The following MOCOS variants were observed in gnomAD, a reference collection of about 807,000 sequenced individuals.
MOCOS encodes the protein molybdenum cofactor sulfurase, also known as human molybdenum cofactor sulfurase.
MOCOS carries 86 observed loss-of-function variants against 83.6 expected under a neutral mutation model. The observed-to-expected ratio is 1.03, with a 90% CI of 0.86 to 1.23. MOCOS has a LOEUF of 1.23. Among genes scored for constraint, MOCOS ranks in the 50% most tolerant of loss-of-function variants. The pLI, the probability that MOCOS is intolerant of heterozygous loss-of-function variation, is 0.00. For synonymous variants in MOCOS, 445 were observed against 434.7 expected (o/e 1.02, Z -0.29); for missense variants, 1,120 against 1,126.9 (o/e 0.99, Z 0.09).
intron 13 of MOCOS, among the ~76,000 whole-genome samples, chr18:36,263,919 A>G (rs961156692): frequency 6.6e-6 from 1 of 152,052 alleles, no homozygotes; most frequent in East Asian, 1.9e-4. Flanking sequence ...GCTCATGCCT[A>G]TAATCCCAGC....
rs148109794 is a variant in MOCOS at position 36,254,883 on chromosome 18, CTTATTTT to C, written c.2165-2069_2165-2063del. The stretch of plus-strand genomic sequence containing the variant: ...TAGGAAATTTCTTCTGCATTGAGTT[CTTATTTT>C]TTATTTTTTATTTTTAATAGAGATG... On this transcript the variant is annotated intron_variant, in intron 11 of 14. Transcript: ENST00000261326. 9.0e-3 allele frequency among the ~76,000 whole-genome samples: 1,363 copies of C among 151,930 alleles called. 15 individuals carry two copies. Among genetic ancestry groups the C allele is most frequent in the African/African-American group, 0.031 (1,290 of 41,434 alleles).
rs751808609 is a variant in MOCOS, at chr18:36,205,078, T to A, written c.1020T>A (p.Gly340=). The change falls in exon 6 of 15, where the codon GGT becomes GGA. Residue 340 remains glycine, a splice_region_variant and synonymous_variant. Coordinates refer to ENST00000261326, the MANE Select transcript of MOCOS (RefSeq NM_017947.4). ...HGFDTLERLT[G]GMENIKQHTF... ...CTTGTGTTTCATGATTGATTTGAGG[T>A]GGAATGGAGAATATAAAGCAGCACA... 2 of 1,605,416 alleles carry A rather than the reference T, an allele frequency of 1.2e-6. No individual in the cohort carries two copies. The highest frequency in any genetic ancestry group is 1.4e-5 in the African/African-American group (1 of 73,358).
chr18:36,235,793 T>C (rs1045294000), intron 9 of MOCOS, among the ~76,000 whole-genome samples: 1 of 146,766 alleles, frequency 6.8e-6, no homozygotes, highest in Non-Finnish European at 1.5e-5. Context: ...CCAGCACCTG[T>C]TGTTTCCTGA....
rs1568049555 is a variant in MOCOS at position 36,199,850 on chromosome 18, T to C, written c.467T>C (p.Val156Ala). ...CYLTDSHTSV[V>A]GMRNVTMAIN... The stretch of plus-strand genomic sequence containing the variant: ...CTCACCGACAGCCACACCTCCGTAG[T>C]GGGTATGCGGAACGTGACCATGGCT... Residue 156 changes from valine (V) to alanine (A), a missense_variant, in exon 4 of 15, where the codon GTG (valine) becomes GCG (alanine). Transcript: ENST00000261326. 6.2e-7 allele frequency: 1 copy of C among 1,613,986 alleles called. No individual in the cohort carries two copies. The highest frequency in any genetic ancestry group is 1.7e-5 in the Admixed American group (1 of 60,012).
chr18:36,251,983 A>G (rs1002907861), intron 11 of MOCOS, among the ~76,000 whole-genome samples: 3 of 152,036 alleles, frequency 2.0e-5, no homozygotes, highest in African/African-American at 7.2e-5. Flanking sequence ...TTTTTTTCAC[A>G]TTCTTCTTGC....
In MOCOS at chr18:36,200,098, G is replaced by A. The variant is rs548950513; in HGVS notation, c.715G>A (p.Ala239Thr). The A allele has an allele frequency of 6.2e-7, 1 of 1,614,238 alleles. No homozygotes were observed. The highest frequency in any genetic ancestry group is 1.3e-5 in the African/African-American group (1 of 75,074). Residue 239 changes from alanine (A) to threonine (T), a missense_variant, in exon 4 of 15, where the codon GCA becomes ACA. Ala to Thr is a moderately conservative substitution (Grantham distance 58). Coordinates refer to ENST00000261326, the MANE Select transcript of MOCOS (RefSeq NM_017947.4). ...TPGKWFVLLD[A>T]ASYVSTSPLD... ...TGGGAAGTGGTTTGTGCTGCTGGAT[G>A]CAGCCTCCTACGTGAGCACCTCGCC...
chr18:36,208,594 G>A (rs530375646), intron 6 of MOCOS, among the ~76,000 whole-genome samples: 12 of 152,210 alleles, frequency 7.9e-5, no homozygotes, highest in African/African-American at 2.9e-4. Flanking sequence ...CTTTCAGCTT[G>A]GTCATTATTA....
At chr18:36,248,337 G>GTTA (rs1397298688) in intron 9 of MOCOS, among the ~76,000 whole-genome samples, 3 of 151,984 alleles carry the variant, frequency 2.0e-5, no homozygotes, top group Non-Finnish European at 4.4e-5. Flanking sequence ...TTCCTATTTG[G>GTTA]TTATTAATCC....
At chr18:36,258,050 G>A (rs769809589) in intron 12 of MOCOS, among the ~76,000 whole-genome samples, 1 of 152,146 alleles carries the variant, frequency 6.6e-6, no homozygotes, top group Non-Finnish European at 1.5e-5. Flanking sequence ...TGTTCTCTGG[G>A]TATTCACTGA....
chr18:36,214,445 A>G (rs1026028437), intron 7 of MOCOS, among the ~76,000 whole-genome samples: 2 of 152,058 alleles, frequency 1.3e-5, no homozygotes, highest in African/African-American at 2.4e-5. Flanking sequence ...GTTAGCTGAC[A>G]TCTGGGTTGG....
chr18:36,214,902 G>A (rs980418044), intron 7 of MOCOS, among the ~76,000 whole-genome samples: 1 of 152,202 alleles, frequency 6.6e-6, no homozygotes, highest in Non-Finnish European at 1.5e-5. Flanking sequence ...TCCATGCACT[G>A]TGCTGACCTG....
rs143831554 is a variant in MOCOS at position 36,257,057 on chromosome 18, C to T, written c.2254C>T (p.Arg752Trp). ...INTSSILELHRQLNTSDENGK... is the reference protein window; with the variant it reads ...INTSSILELHWQLNTSDENGK... ...CACATCCAGTATTTTGGAACTTCAC[C>T]GGCAACTAAACACCAGGTAAGACCT... The change falls in exon 12 of 15, where the codon CGG (arginine) becomes TGG (tryptophan). Residue 752 changes from arginine to tryptophan, a missense_variant. Transcript: ENST00000261326. The T allele has an allele frequency of 6.3e-4, 1,019 of 1,613,746 alleles. 1 individual carries two copies. The highest frequency in any genetic ancestry group is 7.7e-4 in the Non-Finnish European group (913 of 1,179,698).
chr18:36,198,685 G>T lies in MOCOS; in HGVS notation c.233-5G>T. On this transcript the variant is annotated splice_polypyrimidine_tract_variant and splice_region_variant and intron_variant, in intron 2 of 14. Transcript: ENST00000261326. ...CTTGGTGGCCTTGTCTTTGTAACCT[G>T]CCAGGTAATCCTCACAGCCAGAACA... The T allele has an allele frequency of 6.2e-7, 1 of 1,614,156 alleles. No individual in the cohort carries two copies. The highest frequency in any genetic ancestry group is 8.5e-7 in the Non-Finnish European group (1 of 1,180,010).
chr18:36,202,645 C>G (rs929218607), intron 4 of MOCOS, among the ~76,000 whole-genome samples: 1 of 152,112 alleles, frequency 6.6e-6, no homozygotes, highest in Non-Finnish European at 1.5e-5. Flanking sequence ...TAGATTACAG[C>G]GGTATTAGTC....
At chr18:36,223,772 C>A (rs1464372733) in intron 9 of MOCOS, among the ~76,000 whole-genome samples, 1 of 152,100 alleles carries the variant, frequency 6.6e-6, no homozygotes, top group Non-Finnish European at 1.5e-5. Context: ...TGTCTTATTT[C>A]TTTCATCAAT....
At chr18:36,194,387 A>G (rs191562080) in intron 1 of MOCOS, among the ~76,000 whole-genome samples, 37 of 152,310 alleles carry the variant, frequency 2.4e-4, no homozygotes, top group Admixed American at 7.2e-4. Context: ...AGTGTATCTC[A>G]GAGTTTGTTT....
intron 14 of MOCOS, among the ~76,000 whole-genome samples, chr18:36,267,242 A>AT (rs2091684984): frequency 6.6e-6 from 1 of 152,226 alleles, no homozygotes; most frequent in African/African-American, 2.4e-5. Context: ...CTGGAAATAC[A>AT]TTCATTAAGC....
At chr18:36,202,365 G>A (rs2091417961) in intron 4 of MOCOS, among the ~76,000 whole-genome samples, 1 of 152,130 alleles carries the variant, frequency 6.6e-6, no homozygotes, top group African/African-American at 2.4e-5. Context: ...ATCTAGAGAT[G>A]GGGTCTTGCT....
chr18:36,196,848 A>G (rs2091389978), intron 2 of MOCOS, among the ~76,000 whole-genome samples: 1 of 152,086 alleles, frequency 6.6e-6, no homozygotes, highest in Non-Finnish European at 1.5e-5. Flanking sequence ...TGGTAGCTGC[A>G]GTGGCCAGAA....
Sources: gnomAD v4.1 joint callset for allele counts (sites outside exome capture counted in the v4.1 genomes callset) on GRCh38, gnomAD v4.1.1 for gene constraint, MANE v1.5 for transcripts, NCBI Gene and HGNC (gene_info 2026-07-23, HGNC 2026-07-21) for gene names.